The following ELL variants were observed in gnomAD, a reference collection of about 807,000 sequenced individuals.
The protein encoded by ELL is RNA polymerase II elongation factor ELL.
A neutral mutation model predicts 64.0 loss-of-function variants in ELL; 18 were observed. That is an observed-to-expected ratio of 0.28 (90% CI 0.19 to 0.42). The LOEUF is 0.42. ELL is among the 10% of genes least tolerant of loss of function. The pLI, the probability that ELL is intolerant of heterozygous loss-of-function variation, is 1.00. For missense variants in ELL, 797 were observed against 870.4 expected (o/e 0.92, Z 1.06); for synonymous variants, 399 against 376.2 (o/e 1.06, Z -0.70).
chr19:18,500,727 C>T (rs904972013), intron 1 of ELL, among the ~76,000 whole-genome samples: 6 of 152,158 alleles, frequency 3.9e-5, no homozygotes, highest in Admixed American at 6.6e-5. Context: ...CTGGAACATA[C>T]CATTGTGCAA....
chr19:18,462,335 C>CTCTGTG (rs1974841489), intron 4 of ELL, among the ~76,000 whole-genome samples: 1 of 64,982 alleles, frequency 1.5e-5, no homozygotes, highest in African/African-American at 1.1e-4. Context: ...CTCTAGTGGG[C>CTCTGTG]TGTGTGTGTG....
chr19:18,444,955 A>G, intron 11 of ELL, 87 bp from the exon 12 acceptor site: 1 of 1,429,386 alleles, frequency 7.0e-7, no homozygotes, highest in Non-Finnish European at 9.5e-7. Context: ...CCCCAAACCA[A>G]AAACCTGGGC....
chr19:18,468,632 G>C (rs1975001512), intron 2 of ELL, among the ~76,000 whole-genome samples: 1 of 152,170 alleles, frequency 6.6e-6, no homozygotes, highest in African/African-American at 2.4e-5. Flanking sequence ...TGGCCTGGGT[G>C]GCTCTCCCGC....
At chr19:18,503,897 T>C (rs1975832036) in intron 1 of ELL, among the ~76,000 whole-genome samples, 1 of 152,130 alleles carries the variant, frequency 6.6e-6, no homozygotes. Context: ...CGTGGGGGCC[T>C]GGCTGCTGCC....
chr19:18,515,416 T>C (rs1419107144), intron 1 of ELL, among the ~76,000 whole-genome samples: 1 of 152,236 alleles, frequency 6.6e-6, no homozygotes, highest in East Asian at 1.9e-4. Context: ...GCCCAGGCCA[T>C]GACACTTGGA....
intron 1 of ELL, among the ~76,000 whole-genome samples, chr19:18,506,786 C>T (rs182552720): frequency 2.4e-4 from 37 of 152,316 alleles, no homozygotes; most frequent in African/African-American, 7.7e-4. Context: ...CCTAGGAGTT[C>T]GTTACCCTCC....
At chr19:18,450,431 GC>G (rs1434332896) in intron 8 of ELL, 45 bp downstream of exon 8, 1 of 1,588,756 alleles carries the variant, frequency 6.3e-7, no homozygotes, top group African/African-American at 1.3e-5. Flanking sequence ...CGGGTGTGGG[GC>G]CAGTACTTAG....
chr19:18,460,357 G>A lies in ELL; in HGVS notation c.744+1221C>T, dbSNP rs151052398. On this transcript the variant is annotated intron_variant, in intron 5 of 11. Coordinates refer to ENST00000262809, the MANE Select transcript of ELL (RefSeq NM_006532.4). ...GACGAGCTGTCCAGGGGAAGTCACA[G>A]TGGCACAGGAAGGGACAATCTGCCT... Among the ~76,000 whole-genome samples, 11 of 152,338 alleles carry A rather than the reference G, an allele frequency of 7.2e-5. No homozygotes were observed. The East Asian group carries it at 2.1e-3, about 29-fold the overall frequency.
At chr19:18,502,964 C>A (rs1975811900) in intron 1 of ELL, among the ~76,000 whole-genome samples, 1 of 152,250 alleles carries the variant, frequency 6.6e-6, no homozygotes, top group African/African-American at 2.4e-5. Context: ...CTCGGCACTT[C>A]CAGTGGCTGC....
In ELL at chr19:18,517,465, G is replaced by A. The variant is rs145001816; in HGVS notation, c.135+4456C>T. Among the ~76,000 whole-genome samples, 548 of 152,096 alleles carry A rather than the reference G, an allele frequency of 3.6e-3. 5 individuals are homozygous for A. Among genetic ancestry groups the A allele is most frequent in the African/African-American group, 0.013 (523 of 41,492 alleles). On this transcript the variant is annotated intron_variant, in intron 1 of 11. Transcript: ENST00000262809. ...AGGTTTTCACCATATTGTCCAGGCT[G>A]GTCTCAAACTCCTGACCTCAAGGGA... is the stretch of plus-strand genomic sequence containing the variant.
chr19:18,467,800 T>C (rs1234769691), intron 2 of ELL, among the ~76,000 whole-genome samples: 71 of 19,272 alleles, frequency 3.7e-3, no homozygotes, highest in Admixed American at 6.5e-3. Flanking sequence ...AACCACACAA[T>C]CCCCCCACAC....
In ELL at chr19:18,461,620, C is replaced by G; in HGVS notation, c.702G>C (p.Leu234=). 6.2e-7 allele frequency: 1 copy of G among 1,609,202 alleles called. No individual in the cohort carries two copies. Among genetic ancestry groups the G allele is most frequent in the Non-Finnish European group, 8.5e-7 (1 of 1,179,808 alleles). ...ELLLRLQKDG[L]TQADKDALDG... Reference sequence around the variant, plus strand: ...CCAGCGCGTCCTTGTCCGCCTGCGTCAGGCCGTCCTTCTGCAGTCGCAGCA... The same window carrying G: ...CCAGCGCGTCCTTGTCCGCCTGCGTGAGGCCGTCCTTCTGCAGTCGCAGCA... The change falls in exon 5 of 12, where the codon CTG becomes CTC. Residue 234 remains leucine (L), a synonymous_variant. Coordinates refer to ENST00000262809, the MANE Select transcript of ELL (RefSeq NM_006532.4).
At chr19:18,505,700 G>A (rs891428119) in intron 1 of ELL, among the ~76,000 whole-genome samples, 5 of 152,194 alleles carry the variant, frequency 3.3e-5, no homozygotes, top group African/African-American at 7.2e-5. Context: ...AGAAGAGGAC[G>A]GGAGAGGAGT....
At chr19:18,458,148 A>C in intron 6 of ELL, 57 bp downstream of exon 6, 1 of 1,592,008 alleles carries the variant, frequency 6.3e-7, no homozygotes, top group Non-Finnish European at 8.5e-7. Flanking sequence ...CCTCTGGGTA[A>C]GCTCTGGCTG....
chr19:18,485,075 C>G (rs1220955203), intron 1 of ELL, among the ~76,000 whole-genome samples: 4 of 152,226 alleles, frequency 2.6e-5, no homozygotes, highest in Non-Finnish European at 5.9e-5. Context: ...GGGCCATCCC[C>G]TCATCAGAGC....
At chr19:18,482,759 G>GATTTTTGTTGTT (rs1975328669) in intron 1 of ELL, among the ~76,000 whole-genome samples, 2 of 120,246 alleles carry the variant, frequency 1.7e-5, no homozygotes, top group South Asian at 5.3e-4. Context: ...CCATCTTTTT[G>GATTTTTGTTGTT]GTTTTTGTTG....
chr19:18,468,141 C>A (rs1974990843), intron 2 of ELL, among the ~76,000 whole-genome samples: 1 of 149,794 alleles, frequency 6.7e-6, no homozygotes, highest in Non-Finnish European at 1.5e-5. Flanking sequence ...TAAACCCCCA[C>A]ACAGCCACAC....
intron 1 of ELL, among the ~76,000 whole-genome samples, chr19:18,494,123 A>G (rs1216609960): frequency 1.3e-5 from 2 of 152,098 alleles, no homozygotes; most frequent in Non-Finnish European, 2.9e-5. Flanking sequence ...TTCTGTTTGG[A>G]GACTGAGGTA....
chr19:18,457,392 G>A (rs1048754962), intron 6 of ELL, among the ~76,000 whole-genome samples: 8 of 152,168 alleles, frequency 5.3e-5, no homozygotes, highest in Non-Finnish European at 7.4e-5. Flanking sequence ...CCAGCCTGCC[G>A]CCAAGCCAGG....
Sources: gnomAD v4.1 joint callset for allele counts (sites outside exome capture counted in the v4.1 genomes callset) on GRCh38, gnomAD v4.1.1 for gene constraint, MANE v1.5 for transcripts, NCBI Gene and HGNC (gene_info 2026-07-23, HGNC 2026-07-21) for gene names.